Variants in KDM4B observed in about 807,000 individuals in gnomAD.
KDM4B encodes the protein lysine demethylase 4B.
KDM4B carries 32 observed loss-of-function variants against 125.2 expected under a neutral mutation model. The ratio of observed to expected loss-of-function variants is 0.26; its 90% confidence interval spans 0.19 to 0.34. The LOEUF (loss-of-function observed/expected upper bound fraction) is 0.34, where lower values mean the gene tolerates loss of function less well. KDM4B is among the 10% of genes least tolerant of loss of function. KDM4B has a pLI of 1.00. For missense variants in KDM4B, 1,190 were observed against 1,577.7 expected (o/e 0.75, Z 4.16); for synonymous variants, 721 against 677.9 (o/e 1.06, Z -0.99).
At chr19:5,043,392 G>C (rs1312335952) in intron 5 of KDM4B, among the ~76,000 whole-genome samples, 1 of 150,600 alleles carries the variant, frequency 6.6e-6, no homozygotes, top group Non-Finnish European at 1.5e-5. Context: ...GTGTTTATCG[G>C]AGTGGGGGGG....
At position 5,043,535 on chromosome 19, in the gene KDM4B, T is replaced by C. The variant is rs193170447; in HGVS notation, c.432+2284T>C. ...GTGGGGGTGTCCACCATATCCTACG[T>C]GGTGTTTATCGGAGTGGGGTGTCCA... On this transcript the variant is annotated intron_variant, in intron 5 of 22. Coordinates refer to ENST00000159111, the MANE Select transcript of KDM4B (RefSeq NM_015015.3). Among the ~76,000 whole-genome samples, 142 of 138,318 alleles carry C rather than the reference T, an allele frequency of 1.0e-3. 1 individual carries two copies. The highest frequency in any genetic ancestry group is 8.3e-4 in the Non-Finnish European group (54 of 65,170). The allele number at this position is 138,318 out of a possible 152,430, so 90.7% of individuals were successfully genotyped here. A position where few individuals can be genotyped will look rare whatever the true frequency, so the allele number is the denominator to read the frequency against.
rs1016864181 is a variant in KDM4B at position 5,151,694 on chromosome 19, G to C, written c.*183G>C. On this transcript the variant is annotated 3_prime_UTR_variant, in exon 23 of 23. Transcript: ENST00000159111. ...CCGCACGCGGCCCCAGACTCAGGGA[G>C]CAGGGCCAGGCGGGCTCGGGGGCCG... The C allele has an allele frequency of 1.2e-4, 56 of 456,020 alleles. No individual in the cohort carries two copies. Among genetic ancestry groups the C allele is most frequent in the Non-Finnish European group, 1.9e-4 (53 of 278,896 alleles). The allele number at this position is 456,020 out of a possible 1,614,324, so 28.2% of individuals were successfully genotyped here.
At chr19:4,978,878 C>A (rs976142182) in intron 1 of KDM4B, among the ~76,000 whole-genome samples, 1 of 152,140 alleles carries the variant, frequency 6.6e-6, no homozygotes, top group Non-Finnish European at 1.5e-5. Context: ...TCCAGCTCCG[C>A]GTGAGAGTTG....
chr19:5,131,291 C>G lies in KDM4B; in HGVS notation c.1531C>G (p.Pro511Ala). The change falls in exon 12 of 23, where the codon CCT becomes GCT. Residue 511 changes from proline to alanine, a missense_variant. Pro to Ala is a conservative substitution (Grantham distance 27, BLOSUM62 -1). Coordinates refer to ENST00000159111, the MANE Select transcript of KDM4B (RefSeq NM_015015.3). ...GCCGGCACCCCTTAATGTCGTGCCC[C>G]CTGAGGTGCCCAGTGAGGAGCTAGA... Reference protein sequence around the residue: ...PLPAPLNVVPPEVPSEELEAK... With the variant: ...PLPAPLNVVPAEVPSEELEAK... 1.2e-6 allele frequency: 2 copies of G among 1,612,138 alleles called. No individual in the cohort carries two copies. The highest frequency in any genetic ancestry group is 1.7e-6 in the Non-Finnish European group (2 of 1,179,778).
chr19:5,131,528 C>T lies in KDM4B; in HGVS notation c.1768C>T (p.Arg590Trp), dbSNP rs201365136. The T allele has an allele frequency of 3.4e-4, 394 of 1,175,386 alleles. 2 individuals are homozygous for T. Among genetic ancestry groups the T allele is most frequent in the South Asian group, 3.0e-3 (212 of 69,596 alleles). 72.8% of individuals were successfully genotyped at this position (1,175,386 alleles called of 1,614,324 possible). ...GGCAGGTCGCATGGAGACCAAAGCC[C>T]GGGCCGGAGAGGGGCAGGTGGGGTG... Reference protein sequence around the residue: ...SGAGRMETKARAGEGQAPSTF... With the variant: ...SGAGRMETKAWAGEGQAPSTF... Residue 590 changes from arginine (R) to tryptophan (W), a missense_variant, in exon 12 of 23, where the codon CGG (arginine) becomes TGG (tryptophan). Transcript: ENST00000159111.
At chr19:5,105,628 C>T (rs765170465) in intron 9 of KDM4B, among the ~76,000 whole-genome samples, 2 of 152,114 alleles carry the variant, frequency 1.3e-5, no homozygotes, top group African/African-American at 2.4e-5. Context: ...GTGGAGACAG[C>T]GTCTTGCTAT....
intron 7 of KDM4B, among the ~76,000 whole-genome samples, chr19:5,072,259 C>T (rs746489036): frequency 6.6e-6 from 1 of 152,152 alleles, no homozygotes; most frequent in Non-Finnish European, 1.5e-5. Context: ...GTCTCCTGTC[C>T]CAGAGACTGC....
In KDM4B at chr19:5,078,357, T is replaced by C. The variant is rs1725394492; in HGVS notation, c.780+887T>C. 6.6e-6 allele frequency: 1 copy of C among 152,064 alleles called. No homozygotes were observed. The highest frequency in any genetic ancestry group is 2.4e-5 in the African/African-American group (1 of 41,378). 9.4% of individuals were successfully genotyped at this position (152,064 alleles called of 1,614,324 possible). On this transcript the variant is annotated intron_variant, in intron 8 of 22. Coordinates refer to ENST00000159111, the MANE Select transcript of KDM4B (RefSeq NM_015015.3). This position sits in a 1 kb window ranked among gnomAD's most constrained non-coding sequence, Gnocchi z 4.5. ...GCCCTGAGTGTCAGCCAGCCGGAAA[T>C]TGCTTGTGACATTTCAATCAAACCG...
At chr19:5,084,496 T>C (rs1481810006) in intron 9 of KDM4B, among the ~76,000 whole-genome samples, 3 of 127,226 alleles carry the variant, frequency 2.4e-5, no homozygotes, top group Non-Finnish European at 3.2e-5. Flanking sequence ...TATGTTATAA[T>C]TTATATATTA....
At position 5,124,658 on chromosome 19, in the gene KDM4B, G is replaced by A. The variant is rs150874877; in HGVS notation, c.1315+4806G>A. Among the ~76,000 whole-genome samples, 62 of 152,280 alleles carry A rather than the reference G, an allele frequency of 4.1e-4. 2 individuals carry two copies. Among genetic ancestry groups the A allele is most frequent in the African/African-American group, 1.4e-3 (60 of 41,552 alleles). On this transcript the variant is annotated intron_variant, in intron 11 of 22. Coordinates refer to ENST00000159111, the MANE Select transcript of KDM4B (RefSeq NM_015015.3). ...GTCACCCAGGCTGGAGTGCAGTGAC[G>A]CAATCTCAGCTCATGCAACCTCTAC... is the stretch of plus-strand genomic sequence containing the variant.
At chr19:5,094,959 G>C (rs1198354710) in intron 9 of KDM4B, among the ~76,000 whole-genome samples, 1 of 152,166 alleles carries the variant, frequency 6.6e-6, no homozygotes, top group South Asian at 2.1e-4. Flanking sequence ...GATGCGTCCT[G>C]TGGAGGGGTC....
In KDM4B at chr19:5,131,077, G is replaced by A. The variant is rs1274682070; in HGVS notation, c.1317G>A (p.Glu439=). Residue 439 remains glutamate, a splice_region_variant and synonymous_variant, in exon 12 of 23, where the codon GAG becomes GAA. Coordinates refer to ENST00000159111, the MANE Select transcript of KDM4B (RefSeq NM_015015.3). ...GACCTCCCTCTCCTCTTCCCACAGAGGACGGGAGGGGCAAGCTGCGGCCAA... is the reference window on the plus strand; with the variant it reads ...GACCTCCCTCTCCTCTTCCCACAGAAGACGGGAGGGGCAAGCTGCGGCCAA... ...PHGREAEGAE[E]DGRGKLRPTK... 1 of 1,507,642 alleles carries A rather than the reference G, an allele frequency of 6.6e-7. No homozygotes were observed. Among genetic ancestry groups the A allele is most frequent in the Admixed American group, 2.3e-5 (1 of 44,068 alleles). 93.4% of individuals were successfully genotyped at this position (1,507,642 alleles called of 1,614,324 possible).
At chr19:5,088,667 C>A (rs1017232058) in intron 9 of KDM4B, among the ~76,000 whole-genome samples, 1 of 122,736 alleles carries the variant, frequency 8.1e-6, no homozygotes, top group Admixed American at 7.5e-5. Flanking sequence ...CCCCCCCCTC[C>A]CCCCCCCCGC....
At position 5,033,345 on chromosome 19, in the gene KDM4B, G is replaced by A. The variant is rs558894472; in HGVS notation, c.141+314G>A. Reference sequence around the variant, plus strand: ...AGTGGGCCACCAGGTTGTTCTGGCCGTGAGCTGACGTCTCACTGAGGGACG... The same window carrying A: ...AGTGGGCCACCAGGTTGTTCTGGCCATGAGCTGACGTCTCACTGAGGGACG... On this transcript the variant is annotated intron_variant, in intron 3 of 22. Transcript: ENST00000159111. Among the ~76,000 whole-genome samples the A allele has an allele frequency of 4.6e-5, 7 of 152,360 alleles. No homozygotes were observed. In the South Asian group the frequency reaches 8.3e-4, roughly 18 times the overall value.
chr19:5,114,212 G>T lies in KDM4B; in HGVS notation c.1115+3394G>T. 1 of 1,289,718 alleles carries T rather than the reference G, an allele frequency of 7.8e-7. No homozygotes were observed. The highest frequency in any genetic ancestry group is 1.0e-6 in the Non-Finnish European group (1 of 988,856). 79.9% of individuals were successfully genotyped at this position (1,289,718 alleles called of 1,614,324 possible). A position where few individuals can be genotyped will look rare whatever the true frequency, so the allele number is the denominator to read the frequency against. ...CACGCGAGAAGCGCCATGTGCACGTGCTCCAGCAGGTACGCGCTCCCTGCA... is the reference window on the plus strand; with the variant it reads ...CACGCGAGAAGCGCCATGTGCACGTTCTCCAGCAGGTACGCGCTCCCTGCA... On this transcript the variant is annotated intron_variant, in intron 10 of 22. Coordinates refer to ENST00000159111, the MANE Select transcript of KDM4B (RefSeq NM_015015.3). The surrounding 1 kb of genome is among the most constrained non-coding windows in gnomAD (Gnocchi z 5.8).
At position 5,102,746 on chromosome 19, in the gene KDM4B, G is replaced by A. The variant is rs180968622; in HGVS notation, c.919-7876G>A. 1.3e-3 allele frequency among the ~76,000 whole-genome samples: 193 copies of A among 152,234 alleles called. 2 individuals carry two copies. Among genetic ancestry groups the A allele is most frequent in the African/African-American group, 4.4e-3 (181 of 41,548 alleles). ...GGGTGATGGGTGCAGCACCCGCCCCGCCCATAGGAGAGCCCTGGTCCACTG... is the reference window on the plus strand; with the variant it reads ...GGGTGATGGGTGCAGCACCCGCCCCACCCATAGGAGAGCCCTGGTCCACTG... On this transcript the variant is annotated intron_variant, in intron 9 of 22. Coordinates refer to ENST00000159111, the MANE Select transcript of KDM4B (RefSeq NM_015015.3).
chr19:5,067,432 G>T (rs1055923347), intron 6 of KDM4B, among the ~76,000 whole-genome samples: 11 of 152,192 alleles, frequency 7.2e-5, no homozygotes, highest in Admixed American at 1.3e-4. Context: ...GGCTGCAGAG[G>T]GCTGGCCACA....
At chr19:4,989,980 T>A (rs1204176623) in intron 1 of KDM4B, among the ~76,000 whole-genome samples, 1 of 152,178 alleles carries the variant, frequency 6.6e-6, no homozygotes, top group Admixed American at 6.5e-5. Flanking sequence ...TCATCCCTTG[T>A]TAATTTCCTT....
chr19:5,007,013 G>T (rs1327965647), intron 1 of KDM4B, among the ~76,000 whole-genome samples: 3 of 152,184 alleles, frequency 2.0e-5, no homozygotes, highest in Non-Finnish European at 4.4e-5. Context: ...AGGCGGGGCG[G>T]GGGTGGTGAG....
Sources: allele counts gnomAD v4.1 joint callset (sites outside exome capture counted in the v4.1 genomes callset), GRCh38; gene constraint gnomAD v4.1.1; non-coding constraint Gnocchi (gnomAD v3.1); transcripts MANE v1.5; gene names NCBI Gene and HGNC (gene_info 2026-07-23, HGNC 2026-07-21).